The following RBFOX1 variants were observed in gnomAD, a reference collection of about 807,000 sequenced individuals.
RBFOX1 encodes RNA binding protein fox-1 homolog 1.
In RBFOX1, 8 loss-of-function variants were observed where a neutral mutation model predicts 57.7. That is an observed-to-expected ratio of 0.14 (90% confidence interval 0.08 to 0.25). The LOEUF (loss-of-function observed/expected upper bound fraction) is 0.25. RBFOX1 is among the 10% of genes least tolerant of loss of function. The probability of loss-of-function intolerance (pLI) is 1.00; values close to 1 mark genes in which losing one functional copy is unlikely to be tolerated. For missense variants in RBFOX1, 611 were observed against 548.5 expected, an observed-to-expected ratio of 1.11 and a Z score of -1.14; for synonymous variants, 326 against 222.4, an observed-to-expected ratio of 1.47 and a Z score of -4.15.
chr16:6,687,928 A>G (rs759422926), intron 3 of RBFOX1, among the ~76,000 whole-genome samples: 5 of 152,206 alleles, frequency 3.3e-5, no homozygotes, highest in African/African-American at 4.8e-5. Context: ...TTTCAAAACA[A>G]TCATCTTGAG....
chr16:5,295,238 C>G (rs1248382497), intron 1 of RBFOX1, among the ~76,000 whole-genome samples: 1 of 152,112 alleles, frequency 6.6e-6, no homozygotes, highest in Non-Finnish European at 1.5e-5. Context: ...CAGGACAGGT[C>G]TCCCTGGGGA....
At position 5,855,509 on chromosome 16, in the gene RBFOX1, T is replaced by C. The variant is rs190467229; in HGVS notation, c.319-11794T>C. Among the ~76,000 whole-genome samples the C allele has an allele frequency of 3.3e-5, 5 of 152,286 alleles. No individual in the cohort carries two copies. In the East Asian group the frequency reaches 9.6e-4, roughly 29 times the overall value. The stretch of plus-strand genomic sequence containing the variant: ...TTTCCACATTGTGTGTTCTTGGCAT[T>C]CTTGCTGAAGATCAGTTGACTATAG... On this transcript the variant is annotated intron_variant, in intron 3 of 19. Coordinates refer to the RBFOX1 transcript ENST00000641259.
chr16:6,418,488 A>G (rs929395684), intron 2 of RBFOX1, among the ~76,000 whole-genome samples: 1 of 149,604 alleles, frequency 6.7e-6, no homozygotes, highest in Non-Finnish European at 1.5e-5. Context: ...CATCATCTAC[A>G]ATTTTGGACA....
At chr16:6,543,204 G>C (rs921079572) in intron 2 of RBFOX1, among the ~76,000 whole-genome samples, 23 of 152,184 alleles carry the variant, frequency 1.5e-4, no homozygotes, top group African/African-American at 4.8e-4. Context: ...GGAAGAGGAT[G>C]CACTAGGCTT....
At chr16:6,135,666 T>C (rs970400929) in intron 1 of RBFOX1, among the ~76,000 whole-genome samples, 1 of 151,658 alleles carries the variant, frequency 6.6e-6, no homozygotes, top group African/African-American at 2.4e-5. Flanking sequence ...TGAACACTAA[T>C]AGTTAATGGA....
rs1567303988 is a variant in RBFOX1 at position 6,450,845 on chromosome 16, A to ATG, written c.-64+133789_-64+133790insGT. ...TATATATATATATATATGTGTATAT[A>ATG]TATATATATATATATATATATATAT... is the stretch of plus-strand genomic sequence containing the variant. On this transcript the variant is annotated intron_variant, in intron 2 of 15. Coordinates refer to ENST00000550418, the MANE Select transcript of RBFOX1 (RefSeq NM_018723.4). Among the ~76,000 whole-genome samples the ATG allele has an allele frequency of 7.6e-4, 48 of 63,274 alleles. 7 individuals carry two copies. Among genetic ancestry groups the ATG allele is most frequent in the East Asian group, 3.3e-3 (9 of 2,740 alleles). 41.5% of individuals were successfully genotyped at this position (63,274 alleles called of 152,430 possible).
At chr16:6,926,433 C>T (rs1018191201) in intron 3 of RBFOX1, among the ~76,000 whole-genome samples, 1 of 152,172 alleles carries the variant, frequency 6.6e-6, no homozygotes, top group African/African-American at 2.4e-5. Context: ...CAGAATTTCC[C>T]CTGCCTCCTG....
At position 5,518,848 on chromosome 16, in the gene RBFOX1, C is replaced by T. The variant is rs372978562; in HGVS notation, c.258+51594C>T. On this transcript the variant is annotated intron_variant, in intron 2 of 2. Coordinates refer to the RBFOX1 transcript ENST00000585867. ...AGATGATGGCTGTTATGAGTTGAAC[C>T]GCATCCCTATCCCCCTAACCCCCAC... Among the ~76,000 whole-genome samples the T allele has an allele frequency of 2.7e-4, 41 of 152,230 alleles. 2 individuals are homozygous for T. In the East Asian group the frequency reaches 4.3e-3, roughly 16 times the overall value.
intron 1 of RBFOX1, among the ~76,000 whole-genome samples, chr16:5,302,588 A>G (rs1015261900): frequency 2.6e-5 from 4 of 152,298 alleles, no homozygotes; most frequent in Middle Eastern, 3.4e-3. Flanking sequence ...TGCATCATCT[A>G]TTTTGAAGCT....
rs538648682 is a variant in RBFOX1, at chr16:7,712,116, C to T, written c.*1371C>T. ...GGATGCAGGGCCAGAGTGACACAGC[C>T]GAAAAATTGCAGTTTGTCTGTACTT... On this transcript the variant is annotated 3_prime_UTR_variant, in exon 16 of 16. Transcript: ENST00000550418. 8 of 152,682 alleles carry T rather than the reference C, an allele frequency of 5.2e-5. No individual in the cohort carries two copies. The highest frequency in any genetic ancestry group is 7.2e-5 in the African/African-American group (3 of 41,548). 9.5% of individuals were successfully genotyped at this position (152,682 alleles called of 1,614,324 possible). A position where few individuals can be genotyped will look rare whatever the true frequency, so the allele number is the denominator to read the frequency against.
intron 1 of RBFOX1, among the ~76,000 whole-genome samples, chr16:6,057,299 GT>G (rs916751831): frequency 1.4e-4 from 20 of 147,648 alleles, no homozygotes; most frequent in Middle Eastern, 3.5e-3. Context: ...AATGACCTGG[GT>G]TTTTTTTTTC....
chr16:7,124,542 T>TCC lies in RBFOX1; in HGVS notation c.27+72445_27+72446insCC, dbSNP rs1555494379. Among the ~76,000 whole-genome samples, 636 of 81,602 alleles carry TCC rather than the reference T, an allele frequency of 7.8e-3. 13 individuals carry two copies. Among genetic ancestry groups the TCC allele is most frequent in the African/African-American group, 0.03 (611 of 20,050 alleles). The allele number at this position is 81,602 out of a possible 152,430, so 53.5% of individuals were successfully genotyped here. A position where few individuals can be genotyped will look rare whatever the true frequency, so the allele number is the denominator to read the frequency against. ...CTCCCCTCCCCTCCTTCCTTCCCTCTCTCCCTCCCTCCCTCCCTCCCTTCC... is the reference window on the plus strand; with the variant it reads ...CTCCCCTCCCCTCCTTCCTTCCCTCTCCCTCCCTCCCTCCCTCCCTCCCTTCC... On this transcript the variant is annotated intron_variant, in intron 4 of 15. Coordinates refer to ENST00000550418, the MANE Select transcript of RBFOX1 (RefSeq NM_018723.4).
chr16:6,784,502 A>G (rs1232089539), intron 3 of RBFOX1, among the ~76,000 whole-genome samples: 1 of 152,130 alleles, frequency 6.6e-6, no homozygotes, highest in Non-Finnish European at 1.5e-5. Flanking sequence ...ATCTGATAGA[A>G]TTCCAAATTC....
intron 2 of RBFOX1, among the ~76,000 whole-genome samples, chr16:6,504,899 CAA>C (rs140935626): frequency 0.11 from 16,665 of 147,806 alleles, 1,683 homozygotes; most frequent in East Asian, 0.43. Context: ...ACTAAAATTA[CAA>C]AAAAAAAAAA....
chr16:5,855,088 G>C (rs1278004305), intron 3 of RBFOX1, among the ~76,000 whole-genome samples: 1 of 152,110 alleles, frequency 6.6e-6, no homozygotes, highest in African/African-American at 2.4e-5. Context: ...TTTTTCTGCT[G>C]TTGAGTTGTT....
At chr16:5,768,798 G>C (rs1039791861) in intron 3 of RBFOX1, among the ~76,000 whole-genome samples, 3 of 152,140 alleles carry the variant, frequency 2.0e-5, no homozygotes, top group Non-Finnish European at 4.4e-5. Context: ...TGTCCAAATG[G>C]AGTCCCCTCC....
At chr16:7,229,960 G>A (rs891931729) in intron 4 of RBFOX1, among the ~76,000 whole-genome samples, 28 of 74,572 alleles carry the variant, frequency 3.8e-4, no homozygotes, top group African/African-American at 6.9e-4. Flanking sequence ...GAGAGAGAGG[G>A]AGGAAGGGAG....
intron 3 of RBFOX1, among the ~76,000 whole-genome samples, chr16:6,885,240 C>G (rs928195512): frequency 1.3e-5 from 2 of 152,158 alleles, no homozygotes; most frequent in Non-Finnish European, 2.9e-5. Context: ...GATGTGGTCT[C>G]CAGTCCAGCA....
intron 1 of RBFOX1, among the ~76,000 whole-genome samples, chr16:5,434,401 A>G (rs1398759753): frequency 3.6e-5 from 5 of 137,542 alleles, no homozygotes; most frequent in Non-Finnish European, 7.5e-5. Context: ...GACTCACTGC[A>G]ACCTCCACCT....
Sources: allele counts gnomAD v4.1 joint callset (sites outside exome capture counted in the v4.1 genomes callset), GRCh38; gene constraint gnomAD v4.1.1; transcripts MANE v1.5; gene names NCBI Gene and HGNC (gene_info 2026-07-23, HGNC 2026-07-21).